The following PLD3 variants were observed in gnomAD, a reference collection of about 807,000 sequenced individuals.
PLD3 encodes phospholipase D family member 3.
Under a neutral mutation model 58.4 loss-of-function variants are expected in PLD3, and 31 were observed. That is an observed-to-expected ratio of 0.53 (90% CI 0.40 to 0.72). The LOEUF (loss-of-function observed/expected upper bound fraction) is 0.72, where lower values mean the gene tolerates loss of function less well. Among genes scored for constraint, PLD3 ranks in the 30% least tolerant of loss-of-function variants. The pLI is 0.00. For synonymous variants in PLD3, 264 were observed against 273.4 expected, an observed-to-expected ratio of 0.97 and a Z score of 0.34; for missense variants, 595 against 659.8, an observed-to-expected ratio of 0.90 and a Z score of 1.08.
intron 8 of PLD3, 114 bp from the exon 9 acceptor site, chr19:40,371,559 G>C (rs539039009): frequency 5.6e-4 from 363 of 645,182 alleles, no homozygotes; most frequent in Admixed American, 1.1e-3. Context: ...ATTGGAGCTG[G>C]GGTGGAGGGG....
intron 8 of PLD3, 181 bp downstream of exon 8, chr19:40,370,418 A>C: frequency 1.2e-5 from 7 of 585,308 alleles, no homozygotes; most frequent in East Asian, 3.4e-5. Context: ...CACACCTATA[A>C]TCTCAACACT....
At chr19:40,376,584 C>T (rs963718438) in intron 10 of PLD3, 25 bp from the exon 11 acceptor site, 1 of 1,600,592 alleles carries the variant, frequency 6.2e-7, no homozygotes, top group Non-Finnish European at 8.5e-7. Flanking sequence ...GCATCCTGCC[C>T]CACCTCCTAT....
At chr19:40,364,322 C>G (rs62107636) in intron 1 of PLD3, among the ~76,000 whole-genome samples, 2 of 151,162 alleles carry the variant, frequency 1.3e-5, no homozygotes, top group Non-Finnish European at 2.9e-5. Flanking sequence ...CCACTGCACT[C>G]CAGCCTGGGC....
intron 1 of PLD3, among the ~76,000 whole-genome samples, chr19:40,350,668 C>T (rs1234970331): frequency 6.6e-6 from 1 of 151,048 alleles, no homozygotes; most frequent in Non-Finnish European, 1.5e-5. Flanking sequence ...TGCTTGAACC[C>T]AGGAGGCGGA....
chr19:40,370,936 A>G (rs1341134317), intron 8 of PLD3: 1 of 152,608 alleles, frequency 6.6e-6, no homozygotes, highest in African/African-American at 2.4e-5. Flanking sequence ...CCTGACAGTG[A>G]CAGCCCAGAG....
chr19:40,376,185 G>A (rs4802077), intron 10 of PLD3: 2,549 of 158,228 alleles, frequency 0.016, 153 homozygotes, highest in Admixed American at 0.12. Flanking sequence ...GAGAAACCCC[G>A]TCTCTACTAA....
At chr19:40,348,969 C>A (rs1426109319) in intron 1 of PLD3, among the ~76,000 whole-genome samples, 1 of 151,974 alleles carries the variant, frequency 6.6e-6, no homozygotes, top group Non-Finnish European at 1.5e-5. Context: ...TCTGTCTCAT[C>A]CCACTTAAAT....
chr19:40,377,812 G>A lies in PLD3; in HGVS notation c.1212G>A (p.Glu404=). The A allele has an allele frequency of 6.2e-7, 1 of 1,613,810 alleles. No homozygotes were observed. The highest frequency in any genetic ancestry group is 8.5e-7 in the Non-Finnish European group (1 of 1,179,828). ...QVKLFVVPAD[E]AQARIPYARV... ...AACTCTTTGTGGTCCCCGCGGATGA[G>A]GCCCAGGCTCGAATCCCATATGCCC... is the stretch of plus-strand genomic sequence containing the variant. The change falls in exon 12 of 13, where the codon GAG becomes GAA. Residue 404 remains glutamate, a synonymous_variant. Transcript: ENST00000409735.
intron 1 of PLD3, among the ~76,000 whole-genome samples, chr19:40,353,838 A>G (rs964134336): frequency 7.2e-5 from 11 of 151,818 alleles, no homozygotes; most frequent in Non-Finnish European, 1.6e-4. Flanking sequence ...TTGGCCTCCC[A>G]AAGTGCTGGG....
chr19:40,371,577 G>A, intron 8 of PLD3, 96 bp from the exon 9 acceptor site: 1 of 752,474 alleles, frequency 1.3e-6, no homozygotes, highest in Non-Finnish European at 2.2e-6. Context: ...GGGGTACTGT[G>A]GGACAGGGGG....
intron 9 of PLD3, 58 bp from the exon 10 acceptor site, chr19:40,374,423 G>T: frequency 1.9e-6 from 3 of 1,593,108 alleles, no homozygotes; most frequent in Non-Finnish European, 2.6e-6. Flanking sequence ...CGTATGTGGG[G>T]TCCGTTGTGA....
At chr19:40,353,744 AATTTTTTGT>A (rs2078578408) in intron 1 of PLD3, among the ~76,000 whole-genome samples, 1 of 150,948 alleles carries the variant, frequency 6.6e-6, no homozygotes, top group Non-Finnish European at 1.5e-5. Context: ...ACGCCTGGCT[AATTTTTTGT>A]ATTTTTAGTA....
intron 3 of PLD3, 22 bp from the exon 4 acceptor site, chr19:40,366,588 C>G: frequency 6.3e-7 from 1 of 1,578,802 alleles, no homozygotes; most frequent in East Asian, 2.2e-5. Context: ...CCTGTCACCC[C>G]CGTTGTTGTC....
Position 40,376,697 on chromosome 19 carries a change from T to G in PLD3, c.1108T>G (p.Ser370Ala). ...VRLLISCWGH[S>A]EPSMRAFLLS... The stretch of plus-strand genomic sequence containing the variant: ...CCTGCTCATCAGCTGCTGGGGACAC[T>G]CGGAGCCATCCATGCGGGCCTTCCT... The change falls in exon 11 of 13, where the codon TCG becomes GCG. Residue 370 changes from serine (S) to alanine (A), a missense_variant. Ser to Ala is a moderately conservative substitution (Grantham distance 99, BLOSUM62 1). Coordinates refer to ENST00000409735, the MANE Select transcript of PLD3 (RefSeq NM_012268.4). The G allele has an allele frequency of 6.2e-7, 1 of 1,604,712 alleles. No individual in the cohort carries two copies. The highest frequency in any genetic ancestry group is 8.5e-7 in the Non-Finnish European group (1 of 1,179,968).
rs370488565 is a variant in PLD3, at chr19:40,376,661, G to T, written c.1072G>T (p.Val358Phe). 2 of 1,607,078 alleles carry T rather than the reference G, an allele frequency of 1.2e-6. No individual in the cohort carries two copies. The highest frequency in any genetic ancestry group is 1.1e-5 in the South Asian group (1 of 91,086). ...GCGGCGGGCCACCTACGAGCGTGGC[G>T]TCAAGGTGCGCCTGCTCATCAGCTG... ...GLRRATYERG[V>F]KVRLLISCWG... Residue 358 changes from valine (V) to phenylalanine (F), a missense_variant, in exon 11 of 13, where the codon GTC (valine) becomes TTC (phenylalanine). By Grantham distance (50) the Val-to-Phe change is conservative. Transcript: ENST00000409735.
Position 40,377,734 on chromosome 19 carries a change from C to T in PLD3, c.1186-52C>T, listed in dbSNP as rs1322804499. On this transcript the variant is annotated intron_variant, in intron 11 of 12. Transcript: ENST00000409735. The stretch of plus-strand genomic sequence containing the variant: ...ACTCTGCTCCCTGATCCCGGGGCTC[C>T]TCCGACTCCCCCTGCCTCTCACACT... 2.9e-6 allele frequency: 4 copies of T among 1,375,072 alleles called. No individual in the cohort carries two copies. The East Asian group carries it at 9.2e-5, about 32-fold the overall frequency. The allele number at this position is 1,375,072 out of a possible 1,614,324, so 85.2% of individuals were successfully genotyped here. A position where few individuals can be genotyped will look rare whatever the true frequency, so the allele number is the denominator to read the frequency against.
At chr19:40,365,561 T>A (rs907333799) in intron 1 of PLD3, 157 bp from the exon 2 acceptor site, 40 of 152,354 alleles carry the variant, frequency 2.6e-4, no homozygotes, top group African/African-American at 9.6e-4. Context: ...AGGTAATGCA[T>A]GTCCATGGTA....
intron 1 of PLD3, among the ~76,000 whole-genome samples, chr19:40,350,196 G>T (rs1376298677): frequency 1.4e-5 from 2 of 141,794 alleles, no homozygotes. Flanking sequence ...AGAGGCGGAG[G>T]TTGCAGTGAG....
chr19:40,371,640 G>T, intron 8 of PLD3, 33 bp from the exon 9 acceptor site: 1 of 1,496,760 alleles, frequency 6.7e-7, no homozygotes, highest in Non-Finnish European at 9.3e-7. Flanking sequence ...GCACTAGGCC[G>T]CTATCGCTGA....
Sources: gnomAD v4.1 joint callset for allele counts (sites outside exome capture counted in the v4.1 genomes callset) on GRCh38, gnomAD v4.1.1 for gene constraint, MANE v1.5 for transcripts, NCBI Gene and HGNC (gene_info 2026-07-23, HGNC 2026-07-21) for gene names.